UTRN: variants seen among roughly 807,000 people sequenced by gnomAD.
UTRN encodes utrophin.
A neutral mutation model predicts 463.9 loss-of-function variants in UTRN; 283 were observed. That is an observed-to-expected ratio of 0.61 (90% CI 0.55 to 0.67). The LOEUF (loss-of-function observed/expected upper bound fraction) is 0.67. UTRN is among the 30% of genes least tolerant of loss of function. The pLI is 0.00. For missense variants in UTRN, 3,922 were observed against 4,084.3 expected (o/e 0.96, Z 1.08); for synonymous variants, 1,442 against 1,431.5 (o/e 1.01, Z -0.17).
intron 50 of UTRN, among the ~76,000 whole-genome samples, chr6:144,569,193 T>A (rs1800703983): frequency 6.6e-6 from 1 of 151,934 alleles, no homozygotes; most frequent in African/African-American, 2.4e-5. Flanking sequence ...TTTATATAAA[T>A]TATATTAATT....
intron 40 of UTRN, 101 bp from the exon 41 acceptor site, chr6:144,522,915 T>G: frequency 1.1e-6 from 1 of 950,546 alleles, no homozygotes; most frequent in Non-Finnish European, 1.5e-6. Context: ...GTCTCATTAT[T>G]ATTTCAAATG....
intron 61 of UTRN, among the ~76,000 whole-genome samples, chr6:144,786,773 A>T (rs1776331397): frequency 6.6e-6 from 1 of 152,198 alleles, no homozygotes; most frequent in South Asian, 2.1e-4. Context: ...CACTAATGAT[A>T]GGCAGCCACA....
intron 65 of UTRN, among the ~76,000 whole-genome samples, chr6:144,805,237 A>G (rs1213169454): frequency 6.6e-6 from 1 of 152,136 alleles, no homozygotes. Flanking sequence ...CAGAAAGATA[A>G]GATTGTGGAC....
chr6:144,593,116 T>A (rs1166770133), intron 51 of UTRN, among the ~76,000 whole-genome samples: 1 of 152,226 alleles, frequency 6.6e-6, no homozygotes, highest in Non-Finnish European at 1.5e-5. Context: ...GCGAATAGAC[T>A]GAATGAGTAA....
intron 33 of UTRN, among the ~76,000 whole-genome samples, chr6:144,495,870 C>T (rs1793594562): frequency 6.6e-6 from 1 of 152,032 alleles, no homozygotes; most frequent in Non-Finnish European, 1.5e-5. Context: ...CTAATGTTTT[C>T]CCATTTCATG....
chr6:144,828,053 G>T (rs1221021136), intron 68 of UTRN, among the ~76,000 whole-genome samples: 1 of 152,138 alleles, frequency 6.6e-6, no homozygotes, highest in Admixed American at 6.6e-5. Context: ...AATGCTTTAG[G>T]ATAGGGGTTT....
intron 9 of UTRN, among the ~76,000 whole-genome samples, chr6:144,433,004 A>C (rs1424319275): frequency 1.3e-5 from 2 of 152,180 alleles, no homozygotes; most frequent in African/African-American, 4.8e-5. Context: ...GGTTGGGGGC[A>C]AGGTCACAGA....
chr6:144,428,797 G>T lies in UTRN; in HGVS notation c.598G>T (p.Asp200Tyr). 1 of 1,609,348 alleles carries T rather than the reference G, an allele frequency of 6.2e-7. No individual in the cohort carries two copies. Reference sequence around the variant, plus strand: ...TTTCAGACCTGATCTCTTCAGCTGGGATAAAGTTGTCAAAATGTCACCAAT... The same window carrying T: ...TTTCAGACCTGATCTCTTCAGCTGGTATAAAGTTGTCAAAATGTCACCAAT... ...HRHKPDLFSW[D>Y]KVVKMSPIER... Residue 200 changes from aspartate to tyrosine, a missense_variant, in exon 8 of 75, where the codon GAT (aspartate) becomes TAT (tyrosine). Around this residue, in one of 3 missense-constraint regions of UTRN, gnomAD observed 264 missense variants for 327.9 expected, o/e 0.81. Coordinates refer to ENST00000367545, the MANE Select transcript of UTRN (RefSeq NM_007124.3).
chr6:144,803,324 A>G, intron 65 of UTRN, among the ~76,000 whole-genome samples, 177 bp downstream of exon 65: 1 of 151,992 alleles, frequency 6.6e-6, no homozygotes, highest in Non-Finnish European at 1.5e-5. Context: ...AAAAATATTA[A>G]CTTTTTTAAA....
chr6:144,831,507 T>A (rs904304201), intron 69 of UTRN, among the ~76,000 whole-genome samples: 9 of 152,176 alleles, frequency 5.9e-5, no homozygotes, highest in Non-Finnish European at 1.3e-4. Context: ...GGCATTATTA[T>A]GAGTCCTATT....
intron 55 of UTRN, among the ~76,000 whole-genome samples, chr6:144,750,745 G>T (rs552207870): frequency 6.6e-6 from 1 of 152,146 alleles, no homozygotes; most frequent in African/African-American, 2.4e-5. Context: ...TATCATTTTT[G>T]TGGGCCTTTG....
At chr6:144,806,342 C>T (rs1210979396) in intron 65 of UTRN, among the ~76,000 whole-genome samples, 1 of 152,076 alleles carries the variant, frequency 6.6e-6, no homozygotes, top group Non-Finnish European at 1.5e-5. Flanking sequence ...GCAGCTTATC[C>T]TGCATTATAC....
At position 144,563,834 on chromosome 6, in the gene UTRN, A is replaced by G. The variant is rs1033452630; in HGVS notation, c.7289+6523A>G. Among the ~76,000 whole-genome samples the G allele has an allele frequency of 2.6e-5, 4 of 152,256 alleles. No homozygotes were observed. In the South Asian group the frequency reaches 6.2e-4, roughly 24 times the overall value. On this transcript the variant is annotated intron_variant, in intron 50 of 74. Transcript: ENST00000367545. ...ATTTTATTACTTTTTTTAAAAAACA[A>G]TTGCCAACAATGTCTTTGTGATAAA...
chr6:144,655,065 A>T (rs1346956383), intron 51 of UTRN, among the ~76,000 whole-genome samples: 45 of 152,248 alleles, frequency 3.0e-4, no homozygotes, highest in Non-Finnish European at 4.4e-5. Context: ...CACCTGTAAA[A>T]TTATCAAAGT....
At chr6:144,338,101 A>G (rs1776875450) in intron 2 of UTRN, among the ~76,000 whole-genome samples, 1 of 152,234 alleles carries the variant, frequency 6.6e-6, no homozygotes, top group African/African-American at 2.4e-5. Context: ...TCAGCCCATG[A>G]AGTACCATCC....
chr6:144,496,534 A>G (rs1011517102), intron 33 of UTRN, among the ~76,000 whole-genome samples: 3 of 152,204 alleles, frequency 2.0e-5, no homozygotes, highest in Non-Finnish European at 2.9e-5. Flanking sequence ...CTAATTCTCC[A>G]ATTGTGACTA....
intron 62 of UTRN, 64 bp from the exon 63 acceptor site, chr6:144,793,770 G>A (rs938097285): frequency 7.0e-6 from 11 of 1,563,186 alleles, no homozygotes; most frequent in Non-Finnish European, 9.5e-6. Context: ...CATTACCAAA[G>A]ATATATTTTA....
chr6:144,782,705 A>G (rs1311010357), intron 61 of UTRN, among the ~76,000 whole-genome samples: 1 of 151,998 alleles, frequency 6.6e-6, no homozygotes, highest in African/African-American at 2.4e-5. Context: ...TCATTTAATT[A>G]GGTACTCACT....
intron 44 of UTRN, 102 bp from the exon 45 acceptor site, chr6:144,539,192 A>G: frequency 1.6e-6 from 2 of 1,288,356 alleles, no homozygotes; most frequent in East Asian, 2.5e-5. Flanking sequence ...AACAAATTAG[A>G]AAGTTACATT....
Sources: gnomAD v4.1 joint callset for allele counts (sites outside exome capture counted in the v4.1 genomes callset) on GRCh38, gnomAD v4.1.1 for gene constraint, gnomAD v4.1.1 regional missense constraint, MANE v1.5 for transcripts, NCBI Gene and HGNC (gene_info 2026-07-23, HGNC 2026-07-21) for gene names.